The following CADM2 variants were observed in gnomAD, a reference collection of about 807,000 sequenced individuals.
CADM2 encodes cell adhesion molecule 2.
CADM2 carries 12 observed loss-of-function variants against 49.8 expected under a neutral mutation model. That is an observed-to-expected ratio of 0.24 (90% CI 0.15 to 0.39). The LOEUF (loss-of-function observed/expected upper bound fraction) is 0.39, where lower values mean the gene tolerates loss of function less well. Among genes scored for constraint, CADM2 ranks in the 10% least tolerant of loss-of-function variants. The pLI, the probability that CADM2 is intolerant of heterozygous loss-of-function variation, is 1.00. For missense variants in CADM2, 378 were observed against 492.3 expected (o/e 0.77, Z 2.20); for synonymous variants, 214 against 175.4 (o/e 1.22, Z -1.74).
chr3:86,043,556 C>A (rs1736231117), intron 8 of CADM2, among the ~76,000 whole-genome samples: 1 of 151,956 alleles, frequency 6.6e-6, no homozygotes, highest in Non-Finnish European at 1.5e-5. Flanking sequence ...CAAACCACTG[C>A]TCAAGGAAAT....
intron 2 of CADM2, among the ~76,000 whole-genome samples, chr3:85,733,377 G>A (rs2107801670): frequency 6.6e-6 from 1 of 152,272 alleles, no homozygotes. Context: ...AGCTTCATTC[G>A]ATGTGGTTTC....
At chr3:85,332,368 A>G (rs145782936) in intron 1 of CADM2, among the ~76,000 whole-genome samples, 1 of 152,126 alleles carries the variant, frequency 6.6e-6, no homozygotes, top group Non-Finnish European at 1.5e-5. Context: ...AATATAATGC[A>G]TTAGAGGAAT....
At chr3:85,218,350 C>A (rs1389483817) in intron 1 of CADM2, among the ~76,000 whole-genome samples, 1 of 152,072 alleles carries the variant, frequency 6.6e-6, no homozygotes, top group Non-Finnish European at 1.5e-5. Flanking sequence ...AAGCAAAGAC[C>A]AAGCTATAGT....
At chr3:85,869,387 G>A (rs1445179248) in intron 3 of CADM2, among the ~76,000 whole-genome samples, 4 of 152,008 alleles carry the variant, frequency 2.6e-5, no homozygotes, top group Middle Eastern at 3.4e-3. Flanking sequence ...TTTCAGATAC[G>A]ATGTGTGATG....
intron 1 of CADM2, among the ~76,000 whole-genome samples, chr3:85,080,853 A>T (rs1253166740): frequency 6.6e-6 from 1 of 152,026 alleles, no homozygotes; most frequent in Non-Finnish European, 1.5e-5. Flanking sequence ...AACAACATTT[A>T]TGTTTCTAAA....
chr3:85,851,581 A>C (rs2075110917), intron 3 of CADM2, among the ~76,000 whole-genome samples: 1 of 150,824 alleles, frequency 6.6e-6, no homozygotes, highest in Non-Finnish European at 1.5e-5. Flanking sequence ...GTCCGAGAAT[A>C]AGCACAGCTT....
intron 8 of CADM2, among the ~76,000 whole-genome samples, chr3:86,054,152 T>G (rs968489611): frequency 6.6e-6 from 1 of 151,756 alleles, no homozygotes; most frequent in African/African-American, 2.4e-5. Flanking sequence ...TTTTAATATT[T>G]AAAAAAAAGC....
intron 2 of CADM2, among the ~76,000 whole-genome samples, chr3:85,737,562 C>CTT (rs3044022): frequency 0.27 from 38,518 of 141,598 alleles, 5,382 homozygotes; most frequent in Middle Eastern, 0.31. Context: ...TCTTTTCTTT[C>CTT]TTTTTTTTTT....
chr3:85,885,935 A>G (rs936588012), intron 4 of CADM2, among the ~76,000 whole-genome samples: 2 of 151,524 alleles, frequency 1.3e-5, no homozygotes, highest in Non-Finnish European at 2.9e-5. Context: ...TTGATACTAT[A>G]TATATTTATA....
At chr3:85,025,963 G>A (rs1331374781) in intron 1 of CADM2, among the ~76,000 whole-genome samples, 4 of 152,070 alleles carry the variant, frequency 2.6e-5, no homozygotes, top group African/African-American at 9.7e-5. Flanking sequence ...TTCTGGCTCT[G>A]AATCTCTCTA....
intron 1 of CADM2, among the ~76,000 whole-genome samples, chr3:85,536,574 C>G (rs965031597): frequency 6.6e-6 from 1 of 151,764 alleles, no homozygotes; most frequent in African/African-American, 2.4e-5. Flanking sequence ...AAGATATTTA[C>G]TCTGAGGTGG....
intron 2 of CADM2, among the ~76,000 whole-genome samples, chr3:85,781,850 T>C (rs2070667168): frequency 6.6e-6 from 1 of 152,192 alleles, no homozygotes; most frequent in African/African-American, 2.4e-5. Flanking sequence ...ACAATTAGAA[T>C]ACAAGAAAGA....
intron 1 of CADM2, among the ~76,000 whole-genome samples, chr3:85,302,448 A>G (rs2044124027): frequency 6.6e-6 from 1 of 152,042 alleles, no homozygotes; most frequent in African/African-American, 2.4e-5. Context: ...TGAACCATGC[A>G]GACATTAAGA....
chr3:86,061,518 AT>A (rs1340575341), intron 8 of CADM2, among the ~76,000 whole-genome samples: 1 of 152,164 alleles, frequency 6.6e-6, no homozygotes, highest in Non-Finnish European at 1.5e-5. Context: ...ACCACAATAC[AT>A]TTTAGAAGGA....
intron 1 of CADM2, among the ~76,000 whole-genome samples, chr3:85,357,101 T>C (rs2031927022): frequency 6.6e-6 from 1 of 152,052 alleles, no homozygotes; most frequent in Non-Finnish European, 1.5e-5. Context: ...TAAAAACTAG[T>C]CTATTATTTA....
intron 1 of CADM2, among the ~76,000 whole-genome samples, chr3:85,257,533 A>C (rs962038745): frequency 6.6e-6 from 1 of 152,114 alleles, no homozygotes; most frequent in Admixed American, 6.6e-5. Context: ...TCTTTTGCCT[A>C]TTCTTCAAAT....
chr3:85,229,115 A>C (rs1264893072), intron 1 of CADM2, among the ~76,000 whole-genome samples: 4 of 152,156 alleles, frequency 2.6e-5, no homozygotes. Context: ...CTGTGAGCAT[A>C]AAACTGCCTA....
At chr3:85,804,284 T>A (rs369891175) in intron 3 of CADM2, among the ~76,000 whole-genome samples, 1 of 152,142 alleles carries the variant, frequency 6.6e-6, no homozygotes, top group African/African-American at 2.4e-5. Flanking sequence ...ATTATATTAG[T>A]TAATTTGTCA....
In CADM2 at chr3:85,761,087, T is replaced by C. The variant is rs185525854; in HGVS notation, c.88+34539T>C. Among the ~76,000 whole-genome samples the C allele has an allele frequency of 2.5e-3, 373 of 152,208 alleles. 1 individual carries two copies. The highest frequency in any genetic ancestry group is 8.7e-3 in the African/African-American group (362 of 41,546). On this transcript the variant is annotated intron_variant, in intron 2 of 9. Coordinates refer to ENST00000383699, the MANE Select transcript of CADM2 (RefSeq NM_001167675.2). The stretch of plus-strand genomic sequence containing the variant: ...AGACGAAGTCCCTATCAGGATTACC[T>C]GCAGGAACATTTGCAAAACACTCCT...
Sources: allele counts gnomAD v4.1 joint callset (sites outside exome capture counted in the v4.1 genomes callset), GRCh38; gene constraint gnomAD v4.1.1; transcripts MANE v1.5; gene names NCBI Gene and HGNC (gene_info 2026-07-23, HGNC 2026-07-21).